Variants in CCDC7 observed in about 807,000 individuals in gnomAD.
CCDC7 encodes coiled-coil domain containing 7.
Under a neutral mutation model 196.9 loss-of-function variants are expected in CCDC7, and 183 were observed. That is an observed-to-expected ratio of 0.93 (90% CI 0.82 to 1.05). The LOEUF (loss-of-function observed/expected upper bound fraction) is 1.05, where lower values mean the gene tolerates loss of function less well. CCDC7 is among the 50% of genes least tolerant of loss of function. The probability of loss-of-function intolerance (pLI) is 0.00; values close to 1 mark genes in which losing one functional copy is unlikely to be tolerated. For synonymous variants in CCDC7, 525 were observed against 484.6 expected (o/e 1.08, Z -1.10); for missense variants, 1,540 against 1,482.2 (o/e 1.04, Z -0.64).
chr10:32,521,311 A>T (rs745934512), intron 11 of CCDC7, among the ~76,000 whole-genome samples: 2 of 152,126 alleles, frequency 1.3e-5, no homozygotes, highest in Non-Finnish European at 2.9e-5. Flanking sequence ...TTTGGGTACT[A>T]TGGACATTTT....
chr10:32,879,287 T>G (rs183323229), downstream of CCDC7, among the ~76,000 whole-genome samples: 76 of 152,218 alleles, frequency 5.0e-4, no homozygotes, highest in African/African-American at 1.8e-3. Context: ...TCCTCATACG[T>G]TAAAGAGGTG....
rs576131632 is a variant in CCDC7 at position 32,561,116 on chromosome 10, C to A, written c.1135-4442C>A. 2.0e-5 allele frequency among the ~76,000 whole-genome samples: 3 copies of A among 152,302 alleles called. No individual in the cohort carries two copies. In the South Asian group the frequency reaches 6.2e-4, roughly 32 times the overall value. On this transcript the variant is annotated intron_variant, in intron 13 of 41. Transcript: ENST00000639629. Reference sequence around the variant, plus strand: ...GGATCAATTCAACAAGAAGAGGTAACTATCCTAAATATATATGCATCCAAT... The same window carrying A: ...GGATCAATTCAACAAGAAGAGGTAAATATCCTAAATATATATGCATCCAAT...
chr10:32,828,504 G>GAAA, intron 32 of CCDC7, among the ~76,000 whole-genome samples: 1 of 134,100 alleles, frequency 7.5e-6, no homozygotes, highest in South Asian at 2.4e-4. Flanking sequence ...AGAAGAAGAA[G>GAAA]AAGAAGAAGA....
chr10:32,697,650 C>CT (rs2077941579), intron 24 of CCDC7, among the ~76,000 whole-genome samples: 1 of 152,152 alleles, frequency 6.6e-6, no homozygotes, highest in South Asian at 2.1e-4. Context: ...TGAGGCTTGA[C>CT]TAGGTAAACA....
chr10:32,689,222 A>ATT, intron 23 of CCDC7, 59 bp downstream of exon 24: 1 of 1,158,304 alleles, frequency 8.6e-7, no homozygotes, highest in South Asian at 1.5e-5. Flanking sequence ...ATCCGAAGGT[A>ATT]TTTTTGCTTT....
exon 27 of CCDC7, chr10:32,728,902 C>T (rs1034191687): frequency 6.3e-7 from 1 of 1,598,470 alleles, no homozygotes; most frequent in African/African-American, 1.3e-5. Flanking sequence ...ATTGTAGTAC[C>T]AAATGAAAAT....
chr10:32,689,183 A>ATGGCCGGGCGCGGTGGC lies in CCDC7; in HGVS notation c.2344+21_2344+22insGGCCGGGCGCGGTGGCT. ...TTATTAGTAAGTATAAAAAGTAAAGATAACTTTAAATTATTTAAAAGTAAG... is the reference window on the plus strand; with the variant it reads ...TTATTAGTAAGTATAAAAAGTAAAGATGGCCGGGCGCGGTGGCTAACTTTAAATTATTTAAAAGTAAG... On this transcript the variant is annotated intron_variant, in intron 23 of 41. Transcript: ENST00000639629. 1 of 1,403,748 alleles carries ATGGCCGGGCGCGGTGGC rather than the reference A, an allele frequency of 7.1e-7. No homozygotes were observed. The highest frequency in any genetic ancestry group is 2.4e-5 in the East Asian group (1 of 40,988). 87.0% of individuals were successfully genotyped at this position (1,403,748 alleles called of 1,614,324 possible). A position where few individuals can be genotyped will look rare whatever the true frequency, so the allele number is the denominator to read the frequency against.
At chr10:32,836,530 C>G (rs1347365905) in intron 33 of CCDC7, among the ~76,000 whole-genome samples, 2 of 152,176 alleles carry the variant, frequency 1.3e-5, no homozygotes, top group Non-Finnish European at 2.9e-5. Flanking sequence ...TTCTCCACAT[C>G]CTCTCCAGCA....
At chr10:32,774,613 A>G (rs2079682053) in intron 28 of CCDC7, among the ~76,000 whole-genome samples, 1 of 152,102 alleles carries the variant, frequency 6.6e-6, no homozygotes, top group African/African-American at 2.4e-5. Flanking sequence ...TCAGGATGGT[A>G]TTCTTGTCTT....
chr10:32,520,243 A>G (rs1321027857), intron 11 of CCDC7, among the ~76,000 whole-genome samples: 1 of 152,090 alleles, frequency 6.6e-6, no homozygotes, highest in East Asian at 1.9e-4. Context: ...TATCAATAGG[A>G]TTGCTGGATT....
rs535014272 is a variant in CCDC7, at chr10:32,639,444, C to T, written c.2014+4286C>T. On this transcript the variant is annotated intron_variant, in intron 20 of 41. Transcript: ENST00000639629. The stretch of plus-strand genomic sequence containing the variant: ...TTCTGGTATGTTGTGTCTTTGTTCT[C>T]GTTGGTTTCAAAGAACATCTTTAAT... Among the ~76,000 whole-genome samples the T allele has an allele frequency of 3.1e-4, 47 of 152,162 alleles. No homozygotes were observed. The South Asian group carries it at 7.9e-3, about 26-fold the overall frequency.
intron 20 of CCDC7, 142 bp from the exon 22 acceptor site, chr10:32,663,912 A>C (rs2072067484): frequency 5.7e-6 from 2 of 350,292 alleles, no homozygotes; most frequent in Admixed American, 4.7e-5. Flanking sequence ...TTTTCATGTC[A>C]GATCTAGAAT....
exon 36 of CCDC7, chr10:32,845,914 G>A (rs747348739): frequency 6.2e-7 from 1 of 1,612,270 alleles, no homozygotes; most frequent in Non-Finnish European, 8.5e-7. Context: ...TATTGGAAGA[G>A]GTATAATAAT....
At chr10:32,803,695 T>C (rs929805392) in intron 29 of CCDC7, among the ~76,000 whole-genome samples, 3 of 152,192 alleles carry the variant, frequency 2.0e-5, no homozygotes, top group Admixed American at 1.3e-4. Flanking sequence ...ATTCTGTCTG[T>C]CTATATCTTT....
At position 32,711,930 on chromosome 10, in the gene CCDC7, A is replaced by G. The variant is rs547224561; in HGVS notation, c.2569+200A>G. ...GAATTTCTTGTCGTAATATTATTAC[A>G]CAACTTAATTTATGCTCTCAGTATC... is the stretch of plus-strand genomic sequence containing the variant. On this transcript the variant is annotated intron_variant, in intron 25 of 41. Coordinates refer to ENST00000639629, the Ensembl canonical transcript of CCDC7. Among the ~76,000 whole-genome samples, 4 of 152,372 alleles carry G rather than the reference A, an allele frequency of 2.6e-5. No homozygotes were observed. The East Asian group carries it at 7.7e-4, about 29-fold the overall frequency.
chr10:32,797,191 A>G (rs61856595), intron 29 of CCDC7, among the ~76,000 whole-genome samples: 51,617 of 148,790 alleles, frequency 0.35, 11,277 homozygotes, highest in Non-Finnish European at 0.5. Flanking sequence ...GTATATATAT[A>G]CGTATATATA....
At chr10:32,460,459 GGTTTAAATTATT>G (rs933430644) in intron 3 of CCDC7, among the ~76,000 whole-genome samples, 8 of 152,058 alleles carry the variant, frequency 5.3e-5, no homozygotes, top group African/African-American at 1.9e-4. Flanking sequence ...AACTAGGAGT[GGTTTAAATTATT>G]GTAGAACTAT....
chr10:32,862,560 TA>T (rs60685885), intron 41 of CCDC7, among the ~76,000 whole-genome samples: 139 of 146,378 alleles, frequency 9.5e-4, no homozygotes, highest in East Asian at 3.4e-3. Flanking sequence ...GGTATAATAA[TA>T]AAAAAAAAAC....
rs1592242407 is a variant in CCDC7, at chr10:32,741,987, G to A, written c.2905+12530G>A. On this transcript the variant is annotated intron_variant, in intron 28 of 41. Coordinates refer to ENST00000639629, the Ensembl canonical transcript of CCDC7. ...AAGGCCTATTTTATCTGATATTAAT[G>A]TATCTACACCAACTTACTTTATGTT... 3.3e-5 allele frequency among the ~76,000 whole-genome samples: 5 copies of A among 151,810 alleles called. No individual in the cohort carries two copies. The South Asian group carries it at 1.0e-3, about 32-fold the overall frequency.
Sources: allele counts gnomAD v4.1 joint callset (sites outside exome capture counted in the v4.1 genomes callset), GRCh38; gene constraint gnomAD v4.1.1; transcripts MANE v1.5; gene names NCBI Gene and HGNC (gene_info 2026-07-23, HGNC 2026-07-21).